DNAJC1: variants seen among roughly 807,000 people sequenced by gnomAD.
DNAJC1 encodes DnaJ heat shock protein family (Hsp40) member C1.
A neutral mutation model predicts 76.6 loss-of-function variants in DNAJC1; 58 were observed. The observed-to-expected ratio is 0.76, with a 90% CI of 0.61 to 0.94. The LOEUF (loss-of-function observed/expected upper bound fraction) is 0.94. DNAJC1 is among the 40% of genes least tolerant of loss of function. DNAJC1 has a pLI of 0.00. For synonymous variants in DNAJC1, 258 were observed against 267.9 expected, an observed-to-expected ratio of 0.96 and a Z score of 0.36; for missense variants, 689 against 677.3, an observed-to-expected ratio of 1.02 and a Z score of -0.19.
At chr10:21,856,158 TAAAGAAACCAAATTTTCCCAAGGA>T (rs1835830030) in intron 8 of DNAJC1, among the ~76,000 whole-genome samples, 1 of 152,144 alleles carries the variant, frequency 6.6e-6, no homozygotes, top group South Asian at 2.1e-4. Context: ...TTTTGAAAGG[TAAAGAAACCAAATTTTCCCAAGGA>T]ACAGTAGTAT....
chr10:21,940,676 A>C (rs995092491), intron 1 of DNAJC1, among the ~76,000 whole-genome samples: 2 of 152,164 alleles, frequency 1.3e-5, no homozygotes, highest in African/African-American at 2.4e-5. Context: ...TGTCCTCTCC[A>C]TAAGATTAAA....
chr10:21,758,779 G>A (rs913301468), intron 11 of DNAJC1, among the ~76,000 whole-genome samples: 9 of 152,212 alleles, frequency 5.9e-5, no homozygotes, highest in African/African-American at 9.6e-5. Context: ...CCTCAGCCTG[G>A]TTCAAAGGAG....
chr10:21,896,081 T>C (rs1053818793), intron 7 of DNAJC1, among the ~76,000 whole-genome samples: 3 of 152,150 alleles, frequency 2.0e-5, no homozygotes, highest in African/African-American at 7.2e-5. Context: ...CATAGAGCCT[T>C]GGGGCCCAGG....
At chr10:21,979,925 G>A (rs576676057) in intron 1 of DNAJC1, among the ~76,000 whole-genome samples, 19 of 151,648 alleles carry the variant, frequency 1.3e-4, no homozygotes, top group Non-Finnish European at 2.7e-4. Flanking sequence ...CTGCTCCTAT[G>A]ACTTTTGCAG....
rs117126005 is a variant in DNAJC1, at chr10:21,808,549, C to T, written c.979-2450G>A. On this transcript the variant is annotated intron_variant, in intron 8 of 11. Transcript: ENST00000376980. ...CCATAATCTGAAATCTGAGAGAACC[C>T]TTTTAGCAATGCATTATTCTCCCTC... Among the ~76,000 whole-genome samples the T allele has an allele frequency of 2.8e-4, 42 of 152,216 alleles. 1 individual carries two copies. The East Asian group carries it at 8.1e-3, about 29-fold the overall frequency.
chr10:21,917,195 C>T (rs1341057786), intron 6 of DNAJC1, among the ~76,000 whole-genome samples: 1 of 151,890 alleles, frequency 6.6e-6, no homozygotes, highest in Non-Finnish European at 1.5e-5. Flanking sequence ...ATATTTTCTA[C>T]AAATTTATGA....
intron 8 of DNAJC1, among the ~76,000 whole-genome samples, chr10:21,813,016 T>C (rs1305784327): frequency 2.4e-5 from 2 of 82,286 alleles, no homozygotes; most frequent in Non-Finnish European, 4.7e-5. Flanking sequence ...AAAAGACATA[T>C]ACACACACAT....
At chr10:22,002,803 C>T (rs184617639) in intron 1 of DNAJC1, among the ~76,000 whole-genome samples, 5 of 151,554 alleles carry the variant, frequency 3.3e-5, no homozygotes, top group Admixed American at 3.3e-4. Context: ...GGGTGAGAAG[C>T]GGCTGCTCTT....
intron 8 of DNAJC1, among the ~76,000 whole-genome samples, chr10:21,847,964 G>A (rs1057437623): frequency 1.6e-4 from 24 of 151,974 alleles, no homozygotes; most frequent in African/African-American, 5.8e-4. Context: ...CCTTTCTTTT[G>A]GATACATACC....
intron 10 of DNAJC1, among the ~76,000 whole-genome samples, chr10:21,760,667 T>A (rs1834230721): frequency 1.3e-5 from 2 of 152,260 alleles, no homozygotes; most frequent in South Asian, 2.1e-4. Flanking sequence ...TTTTTAACTT[T>A]ATTTAATTCT....
chr10:21,832,375 T>A (rs532347026), intron 8 of DNAJC1, among the ~76,000 whole-genome samples: 1 of 152,306 alleles, frequency 6.6e-6, no homozygotes, highest in South Asian at 2.1e-4. Flanking sequence ...ACATCTCTAG[T>A]TCTGATTTCT....
chr10:21,842,169 G>GCA (rs1651479809), intron 8 of DNAJC1, among the ~76,000 whole-genome samples: 1 of 151,334 alleles, frequency 6.6e-6, no homozygotes, highest in African/African-American at 2.4e-5. Flanking sequence ...AATGGGTGCA[G>GCA]CACACCAACA....
At position 21,836,031 on chromosome 10, in the gene DNAJC1, C is replaced by CA. The variant is rs560633760; in HGVS notation, c.979-29933dup. Among the ~76,000 whole-genome samples, 337 of 152,238 alleles carry CA rather than the reference C, an allele frequency of 2.2e-3. 3 individuals carry two copies. Among genetic ancestry groups the CA allele is most frequent in the African/African-American group, 7.7e-3 (321 of 41,532 alleles). ...CTCCAAGACACATAATTGTCACATTCACCAAAGTTGAAATGAAGGAAAAAA... is the reference window on the plus strand; with the variant it reads ...CTCCAAGACACATAATTGTCACATTCAACCAAAGTTGAAATGAAGGAAAAAA... On this transcript the variant is annotated intron_variant, in intron 8 of 11. Transcript: ENST00000376980.
At chr10:21,925,253 C>G (rs1374244118) in intron 3 of DNAJC1, among the ~76,000 whole-genome samples, 1 of 152,170 alleles carries the variant, frequency 6.6e-6, no homozygotes, top group Non-Finnish European at 1.5e-5. Flanking sequence ...CTCAAGCGAT[C>G]CTCCCACCTC....
At chr10:21,781,570 C>T (rs1045089807) in intron 9 of DNAJC1, among the ~76,000 whole-genome samples, 16 of 151,402 alleles carry the variant, frequency 1.1e-4, no homozygotes, top group African/African-American at 3.9e-4. Context: ...AAATACAAAA[C>T]ATTAGCCGGG....
intron 9 of DNAJC1, among the ~76,000 whole-genome samples, chr10:21,772,593 T>C (rs1021347438): frequency 6.6e-6 from 1 of 152,168 alleles, no homozygotes. Context: ...GTCCTTTTTT[T>C]TGACCCTAGA....
intron 7 of DNAJC1, among the ~76,000 whole-genome samples, chr10:21,888,110 T>C (rs1836396812): frequency 6.6e-6 from 1 of 152,062 alleles, no homozygotes; most frequent in South Asian, 2.1e-4. Flanking sequence ...AAGACATCCA[T>C]GCAGCCAATA....
rs35908074 is a variant in DNAJC1, at chr10:21,903,148, A to C, written c.820+1374T>G. Among the ~76,000 whole-genome samples, 454 of 152,074 alleles carry C rather than the reference A, an allele frequency of 3.0e-3. 1 individual carries two copies. Among genetic ancestry groups the C allele is most frequent in the Non-Finnish European group, 5.4e-3 (366 of 67,934 alleles). On this transcript the variant is annotated intron_variant, in intron 7 of 11. Transcript: ENST00000376980. ...TTATGTTGGCTAGGCTGGTCTCCTG[A>C]CCTCAGGTGATCCGCCCGCCTCGGC...
chr10:21,767,728 G>A (rs552765664), intron 9 of DNAJC1, among the ~76,000 whole-genome samples: 1 of 152,254 alleles, frequency 6.6e-6, no homozygotes, highest in Admixed American at 6.5e-5. Flanking sequence ...AGGCACAGTC[G>A]CTCATGCCTG....
Sources: gnomAD v4.1 joint callset for allele counts (sites outside exome capture counted in the v4.1 genomes callset) on GRCh38, gnomAD v4.1.1 for gene constraint, MANE v1.5 for transcripts, NCBI Gene and HGNC (gene_info 2026-07-23, HGNC 2026-07-21) for gene names.